KLHL29: variants seen among roughly 807,000 people sequenced by gnomAD.
The protein encoded by KLHL29 is kelch-like protein 29.
A neutral mutation model predicts 80.4 loss-of-function variants in KLHL29; 21 were observed. That is an observed-to-expected ratio of 0.26 (90% confidence interval 0.19 to 0.38). The LOEUF is 0.38. KLHL29 is among the 10% of genes least tolerant of loss of function. The pLI is 1.00. For missense variants in KLHL29, 867 were observed against 1,223.9 expected, an observed-to-expected ratio of 0.71 and a Z score of 4.35; for synonymous variants, 511 against 526.8, an observed-to-expected ratio of 0.97 and a Z score of 0.41.
intron 1 of KLHL29, among the ~76,000 whole-genome samples, chr2:23,389,095 A>G (rs984057879): frequency 1.3e-5 from 2 of 150,226 alleles, no homozygotes; most frequent in African/African-American, 4.9e-5. Flanking sequence ...ATATTAGAGC[A>G]GGTCTGTCCT....
chr2:23,501,379 A>G (rs558422748), intron 2 of KLHL29, among the ~76,000 whole-genome samples: 1 of 152,164 alleles, frequency 6.6e-6, no homozygotes, highest in East Asian at 1.9e-4. Context: ...GAGGCTATAC[A>G]GGTGCAGGCA....
chr2:23,502,099 T>C (rs1170911098), intron 2 of KLHL29, among the ~76,000 whole-genome samples: 1 of 152,176 alleles, frequency 6.6e-6, no homozygotes, highest in Non-Finnish European at 1.5e-5. Flanking sequence ...GTTGTAGTGC[T>C]CCTGGCTCAG....
At chr2:23,697,955 C>T (rs1672076488) in intron 11 of KLHL29, 1 of 152,234 alleles carries the variant, frequency 6.6e-6, no homozygotes, top group South Asian at 2.1e-4. Context: ...TTCTGTCTTG[C>T]TTTTGTCGGC....
intron 11 of KLHL29, among the ~76,000 whole-genome samples, chr2:23,699,936 C>T (rs1672261960): frequency 6.6e-6 from 1 of 152,240 alleles, no homozygotes; most frequent in Admixed American, 6.5e-5. Context: ...ACTCTGACTC[C>T]TGCTTCACAG....
chr2:23,445,891 T>C (rs1208798892), intron 1 of KLHL29, among the ~76,000 whole-genome samples: 1 of 152,384 alleles, frequency 6.6e-6, no homozygotes, highest in East Asian at 1.9e-4. Flanking sequence ...TCCCCTTTTC[T>C]TTCTATAAAC....
intron 2 of KLHL29, among the ~76,000 whole-genome samples, chr2:23,512,445 C>CA (rs35197507): frequency 1.7e-4 from 25 of 144,998 alleles, no homozygotes; most frequent in Middle Eastern, 3.5e-3. Flanking sequence ...AATTCTGTCT[C>CA]AAAAAAAAAA....
At chr2:23,393,138 G>A (rs1176627665) in intron 1 of KLHL29, among the ~76,000 whole-genome samples, 2 of 151,728 alleles carry the variant, frequency 1.3e-5, no homozygotes, top group Admixed American at 6.6e-5. Context: ...TTTGCATACC[G>A]ATGCATAGCC....
At chr2:23,544,049 A>G (rs1009029678) in intron 2 of KLHL29, among the ~76,000 whole-genome samples, 1 of 152,222 alleles carries the variant, frequency 6.6e-6, no homozygotes, top group Admixed American at 6.5e-5. Context: ...CAACCGCTTT[A>G]AGACCCAGGG....
At chr2:23,550,295 C>A (rs957114525) in intron 2 of KLHL29, among the ~76,000 whole-genome samples, 1 of 152,098 alleles carries the variant, frequency 6.6e-6, no homozygotes, top group Non-Finnish European at 1.5e-5. Context: ...AGGCCTGACT[C>A]ATGGAGTGGA....
At chr2:23,447,621 C>T (rs1246448170) in intron 1 of KLHL29, among the ~76,000 whole-genome samples, 3 of 152,176 alleles carry the variant, frequency 2.0e-5, no homozygotes, top group African/African-American at 7.2e-5. Flanking sequence ...CCTGGATGAC[C>T]AGGCTCCCCT....
intron 1 of KLHL29, among the ~76,000 whole-genome samples, chr2:23,389,680 C>G (rs1263407930): frequency 1.3e-5 from 2 of 150,586 alleles, no homozygotes. Context: ...AGAGCAAGAC[C>G]TAGTCTCAGA....
chr2:23,638,871 G>A (rs138088182), intron 3 of KLHL29, among the ~76,000 whole-genome samples: 4 of 152,276 alleles, frequency 2.6e-5, no homozygotes, highest in African/African-American at 4.8e-5. Context: ...GAGTGGCCAC[G>A]GAGGGTGACA....
In KLHL29 at chr2:23,550,056, C is replaced by T. The variant is rs901738982; in HGVS notation, c.-45-12096C>T. Among the ~76,000 whole-genome samples, 4 of 152,258 alleles carry T rather than the reference C, an allele frequency of 2.6e-5. No homozygotes were observed. In the South Asian group the frequency reaches 8.3e-4, roughly 32 times the overall value. On this transcript the variant is annotated intron_variant, in intron 2 of 13. Coordinates refer to ENST00000486442, the MANE Select transcript of KLHL29 (RefSeq NM_052920.2). Reference sequence around the variant, plus strand: ...GCCCAGCGTGGTCCCTCCCCTGCCCCCCAGGGTGTTTTTCCGTTTTATGGC... The same window carrying T: ...GCCCAGCGTGGTCCCTCCCCTGCCCTCCAGGGTGTTTTTCCGTTTTATGGC...
chr2:23,490,613 C>T (rs1317785683), intron 2 of KLHL29, among the ~76,000 whole-genome samples: 1 of 152,154 alleles, frequency 6.6e-6, no homozygotes, highest in Non-Finnish European at 1.5e-5. Flanking sequence ...AAAAACCCAC[C>T]TACATTGATT....
chr2:23,568,210 A>G (rs909601086), intron 3 of KLHL29, among the ~76,000 whole-genome samples: 23 of 152,218 alleles, frequency 1.5e-4, no homozygotes, highest in Admixed American at 3.3e-4. Flanking sequence ...AAAAAAGTCC[A>G]TACACGGATT....
At chr2:23,632,552 C>A (rs1351949275) in intron 3 of KLHL29, among the ~76,000 whole-genome samples, 1 of 152,230 alleles carries the variant, frequency 6.6e-6, no homozygotes, top group East Asian at 1.9e-4. Context: ...CCAGTGATGC[C>A]CCCCTCCTGG....
intron 1 of KLHL29, among the ~76,000 whole-genome samples, chr2:23,455,171 A>G (rs1020093): frequency 0.51 from 77,250 of 151,814 alleles, 20,925 homozygotes; most frequent in African/African-American, 0.71. Flanking sequence ...TTAGTTGCTG[A>G]CATTATCAAT....
At chr2:23,388,342 A>G (rs1170803847) in intron 1 of KLHL29, among the ~76,000 whole-genome samples, 1 of 152,220 alleles carries the variant, frequency 6.6e-6, no homozygotes, top group Non-Finnish European at 1.5e-5. Flanking sequence ...TTTTTCCAGT[A>G]GATGAGCATT....
chr2:23,696,260 C>G lies in KLHL29; in HGVS notation c.1925-73C>G, dbSNP rs546437569. On this transcript the variant is annotated intron_variant, in intron 10 of 13. Transcript: ENST00000486442. The surrounding 1 kb of genome is among the most constrained non-coding windows in gnomAD (Gnocchi z 5.5). The stretch of plus-strand genomic sequence containing the variant: ...TTGCAGGTGAAGCCTTCCTCTGCCC[C>G]TGGGGCTGGGCCTGCTGACCCCAGG... The G allele has an allele frequency of 6.6e-7, 1 of 1,503,998 alleles. No individual in the cohort carries two copies. Among genetic ancestry groups the G allele is most frequent in the East Asian group, 2.5e-5 (1 of 40,638 alleles). The allele number at this position is 1,503,998 out of a possible 1,614,324, so 93.2% of individuals were successfully genotyped here.
Sources: gnomAD v4.1 joint callset for allele counts (sites outside exome capture counted in the v4.1 genomes callset) on GRCh38, gnomAD v4.1.1 for gene constraint, Gnocchi (gnomAD v3.1) non-coding constraint, MANE v1.5 for transcripts, NCBI Gene and HGNC (gene_info 2026-07-23, HGNC 2026-07-21) for gene names.